The following DPP10 variants were observed in gnomAD, a reference collection of about 807,000 sequenced individuals.
DPP10 encodes the protein dipeptidyl peptidase like 10.
DPP10 carries 33 observed loss-of-function variants against 120.9 expected under a neutral mutation model. That is an observed-to-expected ratio of 0.27 (90% CI 0.21 to 0.37). The LOEUF (loss-of-function observed/expected upper bound fraction) is 0.37. Among genes scored for constraint, DPP10 ranks in the 10% least tolerant of loss-of-function variants. The pLI is 1.00. For synonymous variants in DPP10, 337 were observed against 326.1 expected (o/e 1.03, Z -0.36); for missense variants, 816 against 942.8 (o/e 0.87, Z 1.76).
intron 5 of DPP10, among the ~76,000 whole-genome samples, chr2:115,638,598 G>A (rs912498852): frequency 1.3e-5 from 2 of 152,152 alleles, no homozygotes; most frequent in Admixed American, 1.3e-4. Context: ...GGAGGATTCT[G>A]TGTATTTTCC....
At chr2:115,819,622 T>G (rs1410309657) in intron 21 of DPP10, among the ~76,000 whole-genome samples, 1 of 151,570 alleles carries the variant, frequency 6.6e-6, no homozygotes, top group African/African-American at 2.4e-5. Flanking sequence ...TTATTTTTCT[T>G]CTACTTTTTA....
At chr2:115,532,837 C>T (rs2078551567) in intron 5 of DPP10, among the ~76,000 whole-genome samples, 1 of 151,580 alleles carries the variant, frequency 6.6e-6, no homozygotes, top group Non-Finnish European at 1.5e-5. Flanking sequence ...TTTCAGCATT[C>T]TGAGTCATGT....
chr2:114,651,330 A>G (rs1696567417), intron 1 of DPP10, among the ~76,000 whole-genome samples: 1 of 152,094 alleles, frequency 6.6e-6, no homozygotes, highest in Admixed American at 6.6e-5. Context: ...TAAGCGCCAG[A>G]CTTCCTCATT....
intron 1 of DPP10, among the ~76,000 whole-genome samples, chr2:115,244,233 TATATATAGAGAGAG>T (rs1386503349): frequency 0.024 from 1,056 of 44,338 alleles, 4 homozygotes; most frequent in Middle Eastern, 0.077. Context: ...TATATATATA[TATATATAGAGAGAG>T]AGAGAGAGAG....
At chr2:115,075,210 C>T (rs1344756148) in intron 1 of DPP10, among the ~76,000 whole-genome samples, 2 of 152,188 alleles carry the variant, frequency 1.3e-5, no homozygotes, top group Non-Finnish European at 2.9e-5. Context: ...TTGGTGTTTG[C>T]ATAAAATAGC....
chr2:115,689,564 T>G, intron 5 of DPP10, 123 bp from the exon 6 acceptor site: 1 of 698,570 alleles, frequency 1.4e-6, no homozygotes, highest in Non-Finnish European at 2.3e-6. Flanking sequence ...AGCTAGAATG[T>G]TTTATATTTT....
intron 1 of DPP10, among the ~76,000 whole-genome samples, chr2:115,036,401 T>A (rs1389296498): frequency 6.6e-6 from 1 of 152,200 alleles, no homozygotes; most frequent in Admixed American, 6.5e-5. Context: ...TGGTTAGAAA[T>A]GATGAGATTT....
At chr2:114,824,985 A>G (rs1376851239) in intron 1 of DPP10, among the ~76,000 whole-genome samples, 7 of 152,184 alleles carry the variant, frequency 4.6e-5, no homozygotes, top group Admixed American at 1.3e-4. Flanking sequence ...GGTTTGATTC[A>G]CTCAACAAGT....
chr2:114,761,373 G>A (rs1680267729), intron 1 of DPP10, among the ~76,000 whole-genome samples: 1 of 152,148 alleles, frequency 6.6e-6, no homozygotes, highest in South Asian at 2.1e-4. Flanking sequence ...AGCATTTATA[G>A]TCAATTTAAG....
chr2:115,763,022 C>T (rs936526567), intron 12 of DPP10, among the ~76,000 whole-genome samples: 1 of 152,156 alleles, frequency 6.6e-6, no homozygotes, highest in African/African-American at 2.4e-5. Flanking sequence ...TGTATTCTAG[C>T]TCACAATTCT....
At chr2:115,604,856 C>T (rs2083596370) in intron 5 of DPP10, among the ~76,000 whole-genome samples, 1 of 152,186 alleles carries the variant, frequency 6.6e-6, no homozygotes, top group Admixed American at 6.5e-5. Flanking sequence ...AAAGTCTGCA[C>T]ATCTCCAATT....
chr2:114,705,879 T>C (rs932315424), intron 1 of DPP10, among the ~76,000 whole-genome samples: 1 of 152,198 alleles, frequency 6.6e-6, no homozygotes, highest in African/African-American at 2.4e-5. Flanking sequence ...TCCTTATCTA[T>C]ATTATTTGCC....
intron 3 of DPP10, among the ~76,000 whole-genome samples, chr2:115,419,276 C>T (rs1040757657): frequency 3.9e-5 from 6 of 152,132 alleles, no homozygotes; most frequent in African/African-American, 1.4e-4. Context: ...CATCAGAACA[C>T]AGATGTCAGT....
Position 114,634,474 on chromosome 2 carries a change from T to C in DPP10, c.60+191636T>C, listed in dbSNP as rs1406982574. On this transcript the variant is annotated intron_variant, in intron 1 of 25. Coordinates refer to ENST00000410059, the MANE Select transcript of DPP10 (RefSeq NM_020868.6). ...ACACATGGCCACAGAGTGGAGGAGA[T>C]AGGATTTAACCCAGAGCAGTCTGGT... Among the ~76,000 whole-genome samples, 4 of 151,716 alleles carry C rather than the reference T, an allele frequency of 2.6e-5. 1 individual carries two copies. Among genetic ancestry groups the C allele is most frequent in the East Asian group, 1.9e-4 (1 of 5,194 alleles).
At chr2:114,959,382 T>C (rs997792171) in intron 1 of DPP10, among the ~76,000 whole-genome samples, 5 of 152,170 alleles carry the variant, frequency 3.3e-5, no homozygotes, top group African/African-American at 1.2e-4. Context: ...TCCAGGTTCA[T>C]CCATGTAGCA....
chr2:115,442,363 TTGTGTGTG>T (rs555025083), intron 3 of DPP10, among the ~76,000 whole-genome samples: 1 of 147,260 alleles, frequency 6.8e-6, no homozygotes, highest in Non-Finnish European at 1.5e-5. Flanking sequence ...GTGTGTGTGT[TTGTGTGTG>T]TGTGTGTGTG....
In DPP10 at chr2:114,772,181, A is replaced by T. The variant is rs541364010; in HGVS notation, c.60+329343A>T. ...TATTAATATTATTATTTTTGGAAAG[A>T]GAGTCTCACTGTGTTTTCCAGGCTG... On this transcript the variant is annotated intron_variant, in intron 1 of 25. Coordinates refer to ENST00000410059, the MANE Select transcript of DPP10 (RefSeq NM_020868.6). 1.9e-4 allele frequency among the ~76,000 whole-genome samples: 29 copies of T among 151,780 alleles called. No homozygotes were observed. The South Asian group carries it at 4.2e-3, about 22-fold the overall frequency.
chr2:115,698,370 G>A lies in DPP10; in HGVS notation c.576+8449G>A, dbSNP rs1023388009. 3.9e-5 allele frequency among the ~76,000 whole-genome samples: 6 copies of A among 152,114 alleles called. No individual in the cohort carries two copies. In the East Asian group the frequency reaches 7.7e-4, roughly 20 times the overall value. ...GAGATGCAGCAAAAACAGTGTAAGC[G>A]GGAAGTAGCTATATATACTTACTGC... On this transcript the variant is annotated intron_variant, in intron 7 of 25. Coordinates refer to ENST00000410059, the MANE Select transcript of DPP10 (RefSeq NM_020868.6).
chr2:114,996,391 G>T (rs2104965932), intron 1 of DPP10, among the ~76,000 whole-genome samples: 1 of 152,208 alleles, frequency 6.6e-6, no homozygotes, highest in South Asian at 2.1e-4. Flanking sequence ...TTTAAAAGAT[G>T]ATTGAAAAAC....
Sources: gnomAD v4.1 joint callset for allele counts (sites outside exome capture counted in the v4.1 genomes callset) on GRCh38, gnomAD v4.1.1 for gene constraint, MANE v1.5 for transcripts, NCBI Gene and HGNC (gene_info 2026-07-23, HGNC 2026-07-21) for gene names.